The following RRM2 variants were observed in gnomAD, a reference collection of about 807,000 sequenced individuals.
RRM2 encodes the protein ribonucleotide reductase regulatory subunit M2, also known as ribonucleoside-diphosphate reductase subunit M2.
RRM2 carries 6 observed loss-of-function variants against 45.9 expected under a neutral mutation model. The ratio of observed to expected loss-of-function variants is 0.13; its 90% confidence interval spans 0.07 to 0.26. The LOEUF (loss-of-function observed/expected upper bound fraction) is 0.26. Ranked by LOEUF, RRM2 falls within the 10% of genes least tolerant of loss-of-function variation. The pLI, the probability that RRM2 is intolerant of heterozygous loss-of-function variation, is 1.00. For synonymous variants in RRM2, 177 were observed against 173.0 expected (o/e 1.02, Z -0.18); for missense variants, 343 against 489.5 (o/e 0.70, Z 2.82).
rs537779131 is a variant in RRM2, at chr2:10,130,512, G to A, written c.*1126G>A. 1 of 152,136 alleles carries A rather than the reference G, an allele frequency of 6.6e-6. No individual in the cohort carries two copies. The highest frequency in any genetic ancestry group is 6.5e-5 in the Admixed American group (1 of 15,286). 9.4% of individuals were successfully genotyped at this position (152,136 alleles called of 1,614,324 possible). ...GTAGTTCATACTTCAGTCACCCAGT[G>A]TCTTATTCTGGCATTGTCTAAATCT... On this transcript the variant is annotated 3_prime_UTR_variant, in exon 10 of 10. Transcript: ENST00000304567.
Position 10,127,385 on chromosome 2 carries a change from A to G in RRM2, c.798+165A>G. ...ACAAAAGAAGGAAATACTTTCATTTACTGAAACTGTTTTACTTGCATTCTC... is the reference window on the plus strand; with the variant it reads ...ACAAAAGAAGGAAATACTTTCATTTGCTGAAACTGTTTTACTTGCATTCTC... On this transcript the variant is annotated intron_variant, in intron 7 of 9. Transcript: ENST00000304567. The surrounding 1 kb of genome is among the most constrained non-coding windows in gnomAD (Gnocchi z 4.1). 3 of 675,848 alleles carry G rather than the reference A, an allele frequency of 4.4e-6. No homozygotes were observed. Among genetic ancestry groups the G allele is most frequent in the Non-Finnish European group, 7.4e-6 (3 of 407,490 alleles). 41.9% of individuals were successfully genotyped at this position (675,848 alleles called of 1,614,324 possible).
chr2:10,123,458 C>T lies in RRM2; in HGVS notation c.246C>T (p.Ile82=), dbSNP rs1205237193. ...GAGAAAACCCCCGCCGCTTTGTCATCTTCCCCATCGAGTACCATGATATCT... is the reference window on the plus strand; with the variant it reads ...GAGAAAACCCCCGCCGCTTTGTCATTTTCCCCATCGAGTACCATGATATCT... ...LLRENPRRFV[I]FPIEYHDIWQ... The change falls in exon 3 of 10, where the codon ATC becomes ATT. Residue 82 remains isoleucine, a synonymous_variant. Transcript: ENST00000304567. 6.2e-7 allele frequency: 1 copy of T among 1,614,222 alleles called. No homozygotes were observed. Among genetic ancestry groups the T allele is most frequent in the Non-Finnish European group, 8.5e-7 (1 of 1,180,034 alleles).
At chr2:10,199,444 T>C (rs989006865) in intron 3 of RRM2, among the ~76,000 whole-genome samples, 1 of 152,102 alleles carries the variant, frequency 6.6e-6, no homozygotes, top group African/African-American at 2.4e-5. Flanking sequence ...GCTACAGTTT[T>C]TGAAACACAA....
At position 10,185,247 on chromosome 2, in the gene RRM2, GAGAGCGTGAAAGCGAGAC is replaced by G. The variant is rs1401503305; in HGVS notation, n.483-25054_483-25037del. 6.6e-6 allele frequency among the ~76,000 whole-genome samples: 1 copy of G among 151,428 alleles called. No homozygotes were observed. The highest frequency in any genetic ancestry group is 6.6e-5 in the Admixed American group (1 of 15,124). Reference sequence around the variant, plus strand: ...CTGACTCCAGGACAAGAGACAGAGAGAGAGCGTGAAAGCGAGACAGAGCGTGAGAGTGAGAGAGAGAGA... The same window carrying G: ...CTGACTCCAGGACAAGAGACAGAGAGAGAGCGTGAGAGTGAGAGAGAGAGA... On this transcript the variant is annotated intron_variant and non_coding_transcript_variant, in intron 3 of 3. Coordinates refer to the RRM2 transcript ENST00000381786. This position sits in a 1 kb window ranked among gnomAD's most constrained non-coding sequence, Gnocchi z 4.3.
At chr2:10,122,591 C>T (rs756737139), upstream of RRM2, 12 of 1,456,296 alleles carry the variant, frequency 8.2e-6, no homozygotes, top group South Asian at 1.7e-4. Flanking sequence ...GCCCCGCGGC[C>T]AGCCTGGGTA....
intron 3 of RRM2, among the ~76,000 whole-genome samples, chr2:10,158,187 A>T (rs1262512382): frequency 3.3e-5 from 5 of 152,060 alleles, no homozygotes; most frequent in Non-Finnish European, 5.9e-5. Flanking sequence ...AGGTCATTTA[A>T]CTCTTCTGAG....
intron 3 of RRM2, among the ~76,000 whole-genome samples, chr2:10,150,119 G>A (rs114349601): frequency 0.028 from 4,319 of 152,106 alleles, 94 homozygotes; most frequent in Non-Finnish European, 0.045. Flanking sequence ...TTCGAGAGCA[G>A]TCTGGCCAAG....
chr2:10,174,441 C>T lies in RRM2; in HGVS notation n.482+32066C>T, dbSNP rs180977390. 5.8e-3 allele frequency among the ~76,000 whole-genome samples: 885 copies of T among 152,242 alleles called. 4 individuals carry two copies. The highest frequency in any genetic ancestry group is 8.2e-3 in the Non-Finnish European group (557 of 68,010). On this transcript the variant is annotated intron_variant and non_coding_transcript_variant, in intron 3 of 3. Transcript: ENST00000381786. ...CCCCGGGTAGGTGAAGCTCTCCCAG[C>T]TCTGTGTCCCCCGCCAAAGCAGGCC...
intron 3 of RRM2, among the ~76,000 whole-genome samples, chr2:10,158,947 G>C (rs4669540): frequency 0.17 from 25,127 of 152,154 alleles, 2,209 homozygotes; most frequent in South Asian, 0.33. Flanking sequence ...CTTCACCTTG[G>C]AGAACCAAGT....
At position 10,129,470 on chromosome 2, in the gene RRM2, A is replaced by G; in HGVS notation, c.*84A>G. ...TCAGCTGAAGTGTTACCAACTAGCC[A>G]CACCATGAATTGTCCGTAATGTTCA... On this transcript the variant is annotated 3_prime_UTR_variant, in exon 10 of 10. Transcript: ENST00000304567. This position sits in a 1 kb window ranked among gnomAD's most constrained non-coding sequence, Gnocchi z 4.8. The G allele has an allele frequency of 1.5e-6, 2 of 1,365,738 alleles. No homozygotes were observed. The allele number at this position is 1,365,738 out of a possible 1,614,324, so 84.6% of individuals were successfully genotyped here.
chr2:10,137,284 G>A (rs114686561), upstream of RRM2, among the ~76,000 whole-genome samples: 163 of 152,334 alleles, frequency 1.1e-3, no homozygotes, highest in African/African-American at 3.7e-3. Context: ...CTCACTGCAT[G>A]TGCCCCTCTT....
At chr2:10,141,121 C>T (rs1663071195), upstream of RRM2, among the ~76,000 whole-genome samples, 1 of 152,186 alleles carries the variant, frequency 6.6e-6, no homozygotes, top group African/African-American at 2.4e-5. Flanking sequence ...TGCTTAGGAG[C>T]TTGGGATTTC....
chr2:10,124,899 G>T, intron 5 of RRM2, 49 bp downstream of exon 5: 1 of 1,533,656 alleles, frequency 6.5e-7, no homozygotes, highest in South Asian at 1.2e-5. Flanking sequence ...ACTAATTGTT[G>T]ATTTATTACA....
chr2:10,187,575 G>A (rs1270190629), intron 3 of RRM2, among the ~76,000 whole-genome samples: 1 of 152,202 alleles, frequency 6.6e-6, no homozygotes, highest in Non-Finnish European at 1.5e-5. Flanking sequence ...CTGTGTGGGG[G>A]TCACTGAGAG....
chr2:10,127,129 T>C lies in RRM2; in HGVS notation c.707T>C (p.Phe236Ser). The change falls in exon 7 of 10, where the codon TTT becomes TCT. Residue 236 changes from phenylalanine (F) to serine (S), a missense_variant. Physicochemically the swap from Phe to Ser is radical, Grantham distance 155 (BLOSUM62 -2). Transcript: ENST00000304567. This position sits in a 1 kb window ranked among gnomAD's most constrained non-coding sequence, Gnocchi z 4.1. ...VAFAAVEGIF[F>S]SGSFASIFWL... ...TTTGCTGCAGTGGAAGGCATTTTCT[T>C]TTCCGGTTCTTTTGCGTCGATATTC... 1 of 1,614,216 alleles carries C rather than the reference T, an allele frequency of 6.2e-7. No individual in the cohort carries two copies. Among genetic ancestry groups the C allele is most frequent in the Non-Finnish European group, 8.5e-7 (1 of 1,180,034 alleles).
intron 3 of RRM2, among the ~76,000 whole-genome samples, chr2:10,181,790 G>C (rs1333487128): frequency 8.4e-6 from 1 of 118,368 alleles, no homozygotes; most frequent in Non-Finnish European, 1.6e-5. Context: ...TTAAGACAGG[G>C]TCTCAGCTCT....
rs115168380 is a variant in RRM2 at position 10,142,302 on chromosome 2, G to A, written n.409G>A. 1,869 of 1,406,088 alleles carry A rather than the reference G, an allele frequency of 1.3e-3. 2 individuals carry two copies. Among genetic ancestry groups the A allele is most frequent in the Non-Finnish European group, 1.6e-3 (1,708 of 1,047,214 alleles). 87.1% of individuals were successfully genotyped at this position (1,406,088 alleles called of 1,614,324 possible). ...CTGACCAGCCTTACGTCTTGAAAGG[G>A]AATCCCCTGCTTCTGCGTGTCAGGT... On this transcript the variant is annotated non_coding_transcript_exon_variant, in exon 3 of 4. Transcript: ENST00000381786.
chr2:10,188,202 C>T (rs1664210476), intron 3 of RRM2, among the ~76,000 whole-genome samples: 1 of 152,156 alleles, frequency 6.6e-6, no homozygotes, highest in Non-Finnish European at 1.5e-5. Flanking sequence ...GTGGGCAGCC[C>T]GGTGGTCCTG....
intron 3 of RRM2, among the ~76,000 whole-genome samples, chr2:10,145,035 G>C (rs1354563895): frequency 1.3e-5 from 2 of 152,216 alleles, no homozygotes; most frequent in African/African-American, 4.8e-5. Context: ...TGAAGGGTAA[G>C]GGATCTGTAG....
Sources: gnomAD v4.1 joint callset for allele counts (sites outside exome capture counted in the v4.1 genomes callset) on GRCh38, gnomAD v4.1.1 for gene constraint, Gnocchi (gnomAD v3.1) non-coding constraint, MANE v1.5 for transcripts, NCBI Gene and HGNC (gene_info 2026-07-23, HGNC 2026-07-21) for gene names.